CNPY1: variants seen among roughly 807,000 people sequenced by gnomAD.
CNPY1 encodes the protein canopy FGF signaling regulator 1, also known as protein canopy homolog 1.
A neutral mutation model predicts 14.4 loss-of-function variants in CNPY1; 14 were observed. The ratio of observed to expected loss-of-function variants is 0.97; its 90% CI spans 0.64 to 1.52. The LOEUF (loss-of-function observed/expected upper bound fraction) is 1.52, where lower values mean the gene tolerates loss of function less well. CNPY1 is among the 40% of genes most tolerant of loss of function. The probability of loss-of-function intolerance (pLI) is 0.00; values close to 1 mark genes in which losing one functional copy is unlikely to be tolerated. For missense variants in CNPY1, 129 were observed against 131.5 expected (o/e 0.98, Z 0.09); for synonymous variants, 43 against 46.5 (o/e 0.92, Z 0.31).
Position 155,502,616 on chromosome 7 carries a change from T to C in CNPY1, c.*452A>G, listed in dbSNP as rs1223218111. The C allele has an allele frequency of 6.5e-6, 1 of 154,210 alleles. No individual in the cohort carries two copies. Among genetic ancestry groups the C allele is most frequent in the African/African-American group, 2.4e-5 (1 of 41,538 alleles). 9.6% of individuals were successfully genotyped at this position (154,210 alleles called of 1,614,324 possible). A position where few individuals can be genotyped will look rare whatever the true frequency, so the allele number is the denominator to read the frequency against. On this transcript the variant is annotated 3_prime_UTR_variant, in exon 5 of 5. Transcript: ENST00000636446. Reference sequence around the variant, plus strand: ...TCACCCAGAAGGCCACATTTTGAATTTGTTGCCATGTATTTCCTTAAATTT... The same window carrying C: ...TCACCCAGAAGGCCACATTTTGAATCTGTTGCCATGTATTTCCTTAAATTT...
chr7:155,529,450 G>A (rs775460766), intron 2 of CNPY1, among the ~76,000 whole-genome samples: 5 of 152,162 alleles, frequency 3.3e-5, no homozygotes, highest in Admixed American at 1.3e-4. Flanking sequence ...TGGAGACCAG[G>A]AGGCCAACAC....
chr7:155,525,521 A>T lies in CNPY1; in HGVS notation c.100-16424T>A, dbSNP rs1353517345. Among the ~76,000 whole-genome samples, 6 of 152,212 alleles carry T rather than the reference A, an allele frequency of 3.9e-5. No individual in the cohort carries two copies. The East Asian group carries it at 1.2e-3, about 29-fold the overall frequency. On this transcript the variant is annotated intron_variant, in intron 2 of 4. Transcript: ENST00000636446. ...TGCAATGTTTCCCCCTCTTAAACAG[A>T]ATATTTGGTTGATCAGAACATTGCG...
chr7:155,531,970 C>G (rs1468460678), intron 2 of CNPY1, among the ~76,000 whole-genome samples: 1 of 152,232 alleles, frequency 6.6e-6, no homozygotes, highest in Non-Finnish European at 1.5e-5. Flanking sequence ...ACTCCCCCTG[C>G]GTGGATCAGG....
chr7:155,502,398 A>G lies in CNPY1; in HGVS notation c.*670T>C, dbSNP rs1427851124. 2.0e-5 allele frequency: 3 copies of G among 152,210 alleles called. No homozygotes were observed. In the East Asian group the frequency reaches 5.8e-4, roughly 29 times the overall value. 9.4% of individuals were successfully genotyped at this position (152,210 alleles called of 1,614,324 possible). On this transcript the variant is annotated 3_prime_UTR_variant, in exon 5 of 5. Coordinates refer to ENST00000636446, the MANE Select transcript of CNPY1 (RefSeq NM_001393663.1). Reference sequence around the variant, plus strand: ...TTAACACCTGATGCAATAATAAATCAACTTTCTAAGCCACTTAAACTCAGA... The same window carrying G: ...TTAACACCTGATGCAATAATAAATCGACTTTCTAAGCCACTTAAACTCAGA...
intron 3 of CNPY1, among the ~76,000 whole-genome samples, chr7:155,507,738 GA>G (rs1042973879): frequency 2.0e-5 from 3 of 152,100 alleles, no homozygotes; most frequent in African/African-American, 7.2e-5. Context: ...ACCTTTCAGA[GA>G]AGAGGGTGCT....
intron 2 of CNPY1, among the ~76,000 whole-genome samples, chr7:155,515,699 G>GA (rs1413709171): frequency 4.6e-5 from 7 of 152,162 alleles, no homozygotes; most frequent in Non-Finnish European, 1.5e-5. Context: ...GAGTGCTGGG[G>GA]AAAGGGAGAA....
chr7:155,519,729 C>T (rs933355815), intron 2 of CNPY1, among the ~76,000 whole-genome samples: 1 of 152,056 alleles, frequency 6.6e-6, no homozygotes, highest in African/African-American at 2.4e-5. Flanking sequence ...AAATTCACAC[C>T]TGAAGGGAAA....
Position 155,502,712 on chromosome 7 carries a change from C to T in CNPY1, c.*356G>A. The T allele has an allele frequency of 4.1e-6, 1 of 242,672 alleles. No homozygotes were observed. Among genetic ancestry groups the T allele is most frequent in the Non-Finnish European group, 8.0e-6 (1 of 124,754 alleles). 15.0% of individuals were successfully genotyped at this position (242,672 alleles called of 1,614,324 possible). A position where few individuals can be genotyped will look rare whatever the true frequency, so the allele number is the denominator to read the frequency against. On this transcript the variant is annotated 3_prime_UTR_variant, in exon 5 of 5. Transcript: ENST00000636446. Reference sequence around the variant, plus strand: ...CAGCCACTGCGCTTGCATATGTGCACATACACTGTTATAAAATAAGCAGCA... The same window carrying T: ...CAGCCACTGCGCTTGCATATGTGCATATACACTGTTATAAAATAAGCAGCA...
intron 2 of CNPY1, among the ~76,000 whole-genome samples, chr7:155,522,701 A>T (rs757967588): frequency 1.3e-5 from 2 of 152,176 alleles, no homozygotes; most frequent in Non-Finnish European, 2.9e-5. Context: ...CGTAAGAGCC[A>T]CTATACCTGT....
At chr7:155,527,054 C>CTTTCTTTCTT (rs56296833) in intron 2 of CNPY1, among the ~76,000 whole-genome samples, 3,934 of 90,318 alleles carry the variant, frequency 0.044, 162 homozygotes, top group Non-Finnish European at 0.065. Context: ...TTCTTTCTTT[C>CTTTCTTTCTT]TTTTTTTTTT....
rs1173716848 is a variant in CNPY1 at position 155,501,544 on chromosome 7, C to G, written c.*1524G>C. ...AATAATTGTCCTGTTTAGTGCATTTCCCAAGAAAATCCAAGTTAGGAGAAT... is the reference window on the plus strand; with the variant it reads ...AATAATTGTCCTGTTTAGTGCATTTGCCAAGAAAATCCAAGTTAGGAGAAT... On this transcript the variant is annotated 3_prime_UTR_variant, in exon 5 of 5. Coordinates refer to ENST00000636446, the MANE Select transcript of CNPY1 (RefSeq NM_001393663.1). 6.6e-6 allele frequency: 1 copy of G among 152,124 alleles called. No homozygotes were observed. The highest frequency in any genetic ancestry group is 2.4e-5 in the African/African-American group (1 of 41,408). 9.4% of individuals were successfully genotyped at this position (152,124 alleles called of 1,614,324 possible).
intron 2 of CNPY1, among the ~76,000 whole-genome samples, chr7:155,544,633 A>C (rs1182520370): frequency 6.6e-6 from 1 of 152,152 alleles, no homozygotes; most frequent in Non-Finnish European, 1.5e-5. Context: ...GGTGTCAGGG[A>C]CCAGGACTGT....
intron 4 of CNPY1, among the ~76,000 whole-genome samples, chr7:155,504,910 G>A (rs867250431): frequency 2.6e-5 from 4 of 152,286 alleles, no homozygotes; most frequent in South Asian, 2.1e-4. Flanking sequence ...TCTACGGTAC[G>A]AACATCTCAC....
intron 2 of CNPY1, among the ~76,000 whole-genome samples, chr7:155,540,050 G>A (rs1797066364): frequency 6.6e-6 from 1 of 152,138 alleles, no homozygotes; most frequent in African/African-American, 2.4e-5. Flanking sequence ...GGGTGGGGGT[G>A]ACCTTTAGGC....
intron 2 of CNPY1, among the ~76,000 whole-genome samples, chr7:155,511,740 T>C (rs1169542885): frequency 6.6e-6 from 1 of 152,162 alleles, no homozygotes; most frequent in Non-Finnish European, 1.5e-5. Flanking sequence ...TACCTTACGA[T>C]GTTCGTTAAA....
chr7:155,508,513 G>A (rs1322870022), intron 3 of CNPY1, among the ~76,000 whole-genome samples: 1 of 152,182 alleles, frequency 6.6e-6, no homozygotes, highest in African/African-American at 2.4e-5. Flanking sequence ...GGAAACCTGT[G>A]AGAGACCTTC....
chr7:155,527,492 T>G (rs1290673546), intron 2 of CNPY1, among the ~76,000 whole-genome samples: 2 of 131,772 alleles, frequency 1.5e-5, no homozygotes, highest in Admixed American at 1.9e-4. Flanking sequence ...CAGGCTGGAG[T>G]GCAGTGGTGC....
At chr7:155,534,471 C>A (rs979703776) in intron 2 of CNPY1, among the ~76,000 whole-genome samples, 2 of 152,218 alleles carry the variant, frequency 1.3e-5, no homozygotes, top group Admixed American at 6.5e-5. Flanking sequence ...ACACTCGATG[C>A]GAACACTTGC....
chr7:155,520,859 G>A (rs771917829), intron 2 of CNPY1, among the ~76,000 whole-genome samples: 10 of 152,164 alleles, frequency 6.6e-5, no homozygotes, highest in South Asian at 2.1e-4. Flanking sequence ...GGGTGCAGGG[G>A]CTCATGCCTA....
Sources: gnomAD v4.1 joint callset for allele counts (sites outside exome capture counted in the v4.1 genomes callset) on GRCh38, gnomAD v4.1.1 for gene constraint, MANE v1.5 for transcripts, NCBI Gene and HGNC (gene_info 2026-07-23, HGNC 2026-07-21) for gene names.